The following MBD5 variants were observed in gnomAD, a reference collection of about 807,000 sequenced individuals.
MBD5 encodes the protein methyl-CpG-binding domain protein 5.
MBD5 carries 13 observed loss-of-function variants against 117.3 expected under a neutral mutation model. The observed-to-expected ratio is 0.11, with a 90% confidence interval of 0.07 to 0.18. MBD5 has a LOEUF of 0.18. Among genes scored for constraint, MBD5 ranks in the 10% least tolerant of loss-of-function variants. MBD5 has a pLI of 1.00. For missense variants in MBD5, 1,879 were observed against 2,093.8 expected (o/e 0.90, Z 2.00); for synonymous variants, 727 against 766.4 (o/e 0.95, Z 0.85).
At chr2:148,328,221 G>T (rs1702520199) in intron 3 of MBD5, among the ~76,000 whole-genome samples, 1 of 152,204 alleles carries the variant, frequency 6.6e-6, no homozygotes, top group African/African-American at 2.4e-5. Flanking sequence ...GCTGCGTACT[G>T]GGAGGACCAC....
chr2:148,420,656 A>G (rs1475033922), intron 4 of MBD5, among the ~76,000 whole-genome samples: 1 of 152,192 alleles, frequency 6.6e-6, no homozygotes, highest in African/African-American at 2.4e-5. Flanking sequence ...TACTCAAGCC[A>G]GGTCCAGCTC....
At chr2:148,065,292 C>T (rs1669541760) in intron 1 of MBD5, among the ~76,000 whole-genome samples, 1 of 152,048 alleles carries the variant, frequency 6.6e-6, no homozygotes, top group Non-Finnish European at 1.5e-5. Flanking sequence ...TTCAAATAGC[C>T]TGGTATTTTC....
At chr2:148,108,303 C>G (rs981282600) in intron 1 of MBD5, among the ~76,000 whole-genome samples, 3 of 152,170 alleles carry the variant, frequency 2.0e-5, no homozygotes, top group Admixed American at 1.3e-4. Flanking sequence ...CTGTGCTTCA[C>G]TGTCTTGACC....
At chr2:148,299,690 T>C (rs1182084933) in intron 3 of MBD5, among the ~76,000 whole-genome samples, 2 of 152,236 alleles carry the variant, frequency 1.3e-5, no homozygotes, top group Non-Finnish European at 2.9e-5. Flanking sequence ...TCCAGTCATT[T>C]CCTATTTTGT....
intron 1 of MBD5, chr2:148,027,214 T>C (rs1693921790): frequency 1.3e-5 from 2 of 152,124 alleles, no homozygotes; most frequent in Admixed American, 1.3e-4. Context: ...ATTACATATA[T>C]AGGATTAAGT....
intron 4 of MBD5, among the ~76,000 whole-genome samples, chr2:148,345,865 GAGAAAGATGTAGGCTGGAGGCTAGGCC>G (rs1374274478): frequency 4.0e-5 from 6 of 151,872 alleles, no homozygotes; most frequent in Non-Finnish European, 8.8e-5. Context: ...TCCAGCACAG[GAGAAAGATGTAGGCTGGAGGCTAGGCC>G]TGTCTCTCCT....
chr2:148,400,937 C>A (rs1482504521), intron 4 of MBD5, among the ~76,000 whole-genome samples: 1 of 152,048 alleles, frequency 6.6e-6, no homozygotes, highest in Non-Finnish European at 1.5e-5. Context: ...GCAGAGAAAG[C>A]CTTTTGATCT....
intron 1 of MBD5, among the ~76,000 whole-genome samples, chr2:148,177,652 T>C (rs1170391212): frequency 6.6e-6 from 1 of 152,190 alleles, no homozygotes; most frequent in African/African-American, 2.4e-5. Context: ...AAATTGTTTC[T>C]CAACTGGAGA....
At chr2:148,242,943 G>C (rs949736607) in intron 3 of MBD5, among the ~76,000 whole-genome samples, 1 of 152,124 alleles carries the variant, frequency 6.6e-6, no homozygotes, top group African/African-American at 2.4e-5. Flanking sequence ...TGCTATAGTG[G>C]AAGTAATGTT....
intron 1 of MBD5, among the ~76,000 whole-genome samples, chr2:148,133,730 G>A (rs905799652): frequency 8.5e-5 from 13 of 152,244 alleles, no homozygotes; most frequent in South Asian, 4.1e-4. Flanking sequence ...GGCTGAGGCC[G>A]GAGAATCGCT....
intron 8 of MBD5, among the ~76,000 whole-genome samples, chr2:148,480,260 T>C (rs1341148495): frequency 6.6e-6 from 1 of 152,140 alleles, no homozygotes; most frequent in African/African-American, 2.4e-5. Flanking sequence ...AATTCTTCAA[T>C]AATATTTAGA....
chr2:148,132,493 C>A (rs1240509581), intron 1 of MBD5, among the ~76,000 whole-genome samples: 4 of 151,830 alleles, frequency 2.6e-5, no homozygotes, highest in Admixed American at 6.6e-5. Flanking sequence ...TAAAAATGAA[C>A]TGCTTTTTTA....
At chr2:148,181,551 G>T (rs773925467) in intron 2 of MBD5, among the ~76,000 whole-genome samples, 3 of 152,126 alleles carry the variant, frequency 2.0e-5, no homozygotes, top group Non-Finnish European at 4.4e-5. Flanking sequence ...TCTAATGTGT[G>T]TAATTTTATA....
intron 1 of MBD5, among the ~76,000 whole-genome samples, chr2:148,078,669 G>GT (rs1325174618): frequency 2.0e-5 from 3 of 152,126 alleles, no homozygotes; most frequent in Non-Finnish European, 4.4e-5. Context: ...CTAAAATAGC[G>GT]TAAGTATATA....
chr2:148,144,156 G>A (rs1411246486), intron 1 of MBD5, among the ~76,000 whole-genome samples: 2 of 151,738 alleles, frequency 1.3e-5, no homozygotes, highest in East Asian at 3.9e-4. Context: ...GTGTGAGATG[G>A]TATCTCATTG....
chr2:148,202,542 C>G (rs781434697), intron 2 of MBD5, among the ~76,000 whole-genome samples: 18 of 151,548 alleles, frequency 1.2e-4, no homozygotes, highest in Admixed American at 3.9e-4. Flanking sequence ...GATTACAAGG[C>G]CAGAAATGTA....
intron 2 of MBD5, among the ~76,000 whole-genome samples, chr2:148,209,166 A>G (rs1699358844): frequency 6.6e-6 from 1 of 152,168 alleles, no homozygotes; most frequent in Non-Finnish European, 1.5e-5. Context: ...GCTACATATG[A>G]TCATTTTATT....
At chr2:148,059,290 A>C (rs1282823726) in intron 1 of MBD5, among the ~76,000 whole-genome samples, 1 of 152,170 alleles carries the variant, frequency 6.6e-6, no homozygotes, top group Non-Finnish European at 1.5e-5. Context: ...GGTTCTGACA[A>C]TTAAAAAAAA....
At chr2:148,432,161 A>C (rs1357627676) in intron 4 of MBD5, among the ~76,000 whole-genome samples, 2 of 152,030 alleles carry the variant, frequency 1.3e-5, no homozygotes, top group Admixed American at 6.6e-5. Context: ...TGTTGGCTGC[A>C]TATATGTCTT....
Sources: allele counts gnomAD v4.1 joint callset (sites outside exome capture counted in the v4.1 genomes callset), GRCh38; gene constraint gnomAD v4.1.1; transcripts MANE v1.5; gene names NCBI Gene and HGNC (gene_info 2026-07-23, HGNC 2026-07-21).